The following ZMAT3 variants were observed in gnomAD, a reference collection of about 807,000 sequenced individuals.
ZMAT3 encodes zinc finger matrin-type 3.
In ZMAT3, 17 loss-of-function variants were observed where a neutral mutation model predicts 32.3. The observed-to-expected ratio is 0.53, with a 90% CI of 0.36 to 0.79. ZMAT3 has a LOEUF of 0.79. ZMAT3 is among the 30% of genes least tolerant of loss of function. ZMAT3 has a pLI of 0.00. For missense variants in ZMAT3, 329 were observed against 359.7 expected (o/e 0.91, Z 0.69); for synonymous variants, 120 against 133.1 (o/e 0.90, Z 0.68).
In ZMAT3 at chr3:179,021,903, CTACTGTCA is replaced by C. The variant is rs1329730129; in HGVS notation, c.*3106_*3113del. 1 of 152,144 alleles carries C rather than the reference CTACTGTCA, an allele frequency of 6.6e-6. No individual in the cohort carries two copies. The highest frequency in any genetic ancestry group is 1.9e-4 in the East Asian group (1 of 5,196). 9.4% of individuals were successfully genotyped at this position (152,144 alleles called of 1,614,324 possible). ...CAAGGTAACAAGCTCAAAACATAAC[CTACTGTCA>C]TAGAGATTTGTGATTTTTTTTCAGA... On this transcript the variant is annotated 3_prime_UTR_variant, in exon 6 of 6. Coordinates refer to ENST00000311417, the MANE Select transcript of ZMAT3 (RefSeq NM_022470.4).
intron 2 of ZMAT3, among the ~76,000 whole-genome samples, chr3:179,044,888 G>A (rs951151451): frequency 6.6e-6 from 1 of 152,018 alleles, no homozygotes; most frequent in African/African-American, 2.4e-5. Context: ...CAGGGGGCGG[G>A]GGACTAGGGG....
chr3:179,028,624 G>T (rs929941300), intron 3 of ZMAT3, among the ~76,000 whole-genome samples: 2 of 152,198 alleles, frequency 1.3e-5, no homozygotes, highest in Non-Finnish European at 2.9e-5. Flanking sequence ...GCCCCCACTG[G>T]GGGTAGCTAT....
chr3:179,058,347 G>A (rs1720960836), intron 2 of ZMAT3, among the ~76,000 whole-genome samples: 1 of 152,242 alleles, frequency 6.6e-6, no homozygotes, highest in African/African-American at 2.4e-5. Flanking sequence ...AGAAAAGATA[G>A]AACATAACTG....
At position 179,025,067 on chromosome 3, in the gene ZMAT3, C is replaced by A. The variant is rs1170616848; in HGVS notation, c.820G>T (p.Val274Leu). The A allele has an allele frequency of 6.2e-7, 1 of 1,614,180 alleles. No homozygotes were observed. Among genetic ancestry groups the A allele is most frequent in the Non-Finnish European group, 8.5e-7 (1 of 1,180,040 alleles). ...TCATTCCTGTACCGCTGTTCAGACA[C>A]CTTGCTCTTATGTTGCTTGCTCTCT... ...HLESKQHKSK[V>L]SEQRYRNEME... The change falls in exon 6 of 6, where the codon GTG becomes TTG. Residue 274 changes from valine (V) to leucine (L), a missense_variant. Physicochemically the swap from Val to Leu is conservative, Grantham distance 32 (BLOSUM62 1). Transcript: ENST00000311417.
At position 179,024,052 on chromosome 3, in the gene ZMAT3, A is replaced by T. The variant is rs1053534367; in HGVS notation, c.*965T>A. 2 of 151,954 alleles carry T rather than the reference A, an allele frequency of 1.3e-5. No homozygotes were observed. Among genetic ancestry groups the T allele is most frequent in the Non-Finnish European group, 2.9e-5 (2 of 68,016 alleles). The allele number at this position is 151,954 out of a possible 1,614,324, so 9.4% of individuals were successfully genotyped here. On this transcript the variant is annotated 3_prime_UTR_variant, in exon 6 of 6. Coordinates refer to ENST00000311417, the MANE Select transcript of ZMAT3 (RefSeq NM_022470.4). ...TTGAAATCATATCCATCTTAAACTC[A>T]TTGAATATTCAAATATGAGGCTTGG...
At chr3:179,048,516 T>C (rs1720367672) in intron 2 of ZMAT3, among the ~76,000 whole-genome samples, 1 of 152,188 alleles carries the variant, frequency 6.6e-6, no homozygotes, top group African/African-American at 2.4e-5. Context: ...TTTAGCCTTC[T>C]TAAACAAAAC....
Position 179,020,260 on chromosome 3 carries a change from T to C in ZMAT3, c.*4757A>G, listed in dbSNP as rs952769408. On this transcript the variant is annotated 3_prime_UTR_variant, in exon 6 of 6. Transcript: ENST00000311417. The stretch of plus-strand genomic sequence containing the variant: ...CACATGGGACCATAAGCCAGTACGT[T>C]TTTTGGTAGCTACCCAGAAAGGAAG... 1 of 152,142 alleles carries C rather than the reference T, an allele frequency of 6.6e-6. No individual in the cohort carries two copies. The highest frequency in any genetic ancestry group is 2.4e-5 in the African/African-American group (1 of 41,424). 9.4% of individuals were successfully genotyped at this position (152,142 alleles called of 1,614,324 possible). A position where few individuals can be genotyped will look rare whatever the true frequency, so the allele number is the denominator to read the frequency against.
chr3:179,044,273 G>A (rs1391581499), intron 2 of ZMAT3, among the ~76,000 whole-genome samples: 1 of 152,158 alleles, frequency 6.6e-6, no homozygotes, highest in Non-Finnish European at 1.5e-5. Flanking sequence ...ACATGCACAC[G>A]TATGTTTATT....
intron 2 of ZMAT3, among the ~76,000 whole-genome samples, chr3:179,059,378 G>C (rs6808356): frequency 0.61 from 93,249 of 151,880 alleles, 28,802 homozygotes; most frequent in East Asian, 0.8. Context: ...TACTTAAAAC[G>C]CTTCACCAAA....
intron 2 of ZMAT3, among the ~76,000 whole-genome samples, chr3:179,059,602 C>A (rs6443618): frequency 6.6e-6 from 1 of 152,102 alleles, no homozygotes; most frequent in Non-Finnish European, 1.5e-5. Flanking sequence ...AACTACAAAT[C>A]GTTCTTCAAA....
chr3:179,051,525 C>T (rs141004709), intron 2 of ZMAT3, among the ~76,000 whole-genome samples: 1 of 152,240 alleles, frequency 6.6e-6, no homozygotes, highest in African/African-American at 2.4e-5. Flanking sequence ...AATGGAAACA[C>T]AAACCATGCT....
intron 1 of ZMAT3, among the ~76,000 whole-genome samples, chr3:179,069,658 C>G (rs1376680068): frequency 6.6e-6 from 1 of 152,018 alleles, no homozygotes; most frequent in Non-Finnish European, 1.5e-5. Context: ...ACCTGAAAAT[C>G]AAGTAACAAC....
chr3:179,034,393 T>C (rs1719469254), intron 2 of ZMAT3, among the ~76,000 whole-genome samples: 1 of 152,224 alleles, frequency 6.6e-6, no homozygotes, highest in South Asian at 2.1e-4. Flanking sequence ...GTTCATTTCC[T>C]TCTTGAAACA....
chr3:179,072,373 G>A (rs61798205), upstream of ZMAT3: 13,859 of 151,684 alleles, frequency 0.091, 957 homozygotes, highest in African/African-American at 0.18. Context: ...CTACACGAAA[G>A]TGAGCAGGAG....
chr3:179,039,745 A>C (rs1211288987), intron 2 of ZMAT3, among the ~76,000 whole-genome samples: 1 of 152,146 alleles, frequency 6.6e-6, no homozygotes, highest in East Asian at 1.9e-4. Context: ...AGGTGACAGA[A>C]GTAGACTTCA....
intron 2 of ZMAT3, among the ~76,000 whole-genome samples, chr3:179,063,650 T>C (rs997488794): frequency 6.6e-6 from 1 of 152,254 alleles, no homozygotes; most frequent in Non-Finnish European, 1.5e-5. Flanking sequence ...CCTTCCCTGC[T>C]AAAGCAATTC....
chr3:179,058,143 A>G (rs1720948188), intron 2 of ZMAT3, among the ~76,000 whole-genome samples: 1 of 152,192 alleles, frequency 6.6e-6, no homozygotes, highest in Non-Finnish European at 1.5e-5. Context: ...CAGTCTTAGT[A>G]TCTGAAGCAG....
chr3:179,033,226 A>C (rs369176436), intron 2 of ZMAT3, among the ~76,000 whole-genome samples: 4 of 152,208 alleles, frequency 2.6e-5, no homozygotes, highest in Non-Finnish European at 4.4e-5. Flanking sequence ...TGTGTCCACT[A>C]AGGGTTAAAT....
intron 4 of ZMAT3, 58 bp from the exon 5 acceptor site, chr3:179,027,581 CTT>C: frequency 6.2e-7 from 1 of 1,613,754 alleles, no homozygotes. Flanking sequence ...CCTTTCTACT[CTT>C]TTTCTTTAAA....
Sources: allele counts gnomAD v4.1 joint callset (sites outside exome capture counted in the v4.1 genomes callset), GRCh38; gene constraint gnomAD v4.1.1; transcripts MANE v1.5; gene names NCBI Gene and HGNC (gene_info 2026-07-23, HGNC 2026-07-21).